The following GOLGA4 variants were observed in gnomAD, a reference collection of about 807,000 sequenced individuals.
GOLGA4 encodes golgin A4, also known as golgin subfamily A member 4.
GOLGA4 carries 169 observed loss-of-function variants against 265.9 expected under a neutral mutation model. The ratio of observed to expected loss-of-function variants is 0.64; its 90% CI spans 0.56 to 0.72. The LOEUF is 0.72. GOLGA4 is among the 30% of genes least tolerant of loss of function. The pLI, the probability that GOLGA4 is intolerant of heterozygous loss-of-function variation, is 0.00. For synonymous variants in GOLGA4, 923 were observed against 855.8 expected (o/e 1.08, Z -1.37); for missense variants, 2,482 against 2,483.4 (o/e 1.00, Z 0.01).
chr3:37,311,664 T>G (rs1463609548), intron 10 of GOLGA4, among the ~76,000 whole-genome samples: 1 of 152,210 alleles, frequency 6.6e-6, no homozygotes, highest in East Asian at 1.9e-4. Flanking sequence ...TGAAATTATT[T>G]GGTTCCCTGA....
At chr3:37,281,552 C>T (rs2096834626) in intron 2 of GOLGA4, among the ~76,000 whole-genome samples, 1 of 152,230 alleles carries the variant, frequency 6.6e-6, no homozygotes, top group African/African-American at 2.4e-5. Context: ...ACATTTTAGA[C>T]ACTGGGTATG....
intron 22 of GOLGA4, among the ~76,000 whole-genome samples, chr3:37,357,110 A>G (rs2097092874): frequency 6.6e-6 from 1 of 152,164 alleles, no homozygotes. Flanking sequence ...AAAAAAAAAG[A>G]GTCTTTGAAA....
At chr3:37,328,914 A>T in intron 15 of GOLGA4, 49 bp from the exon 16 acceptor site, 1 of 1,427,854 alleles carries the variant, frequency 7.0e-7, no homozygotes. Context: ...TACAAATATT[A>T]ACTCTTGACT....
intron 5 of GOLGA4, among the ~76,000 whole-genome samples, chr3:37,294,095 G>A (rs1463665232): frequency 3.9e-5 from 6 of 152,126 alleles, no homozygotes; most frequent in Admixed American, 2.6e-4. Flanking sequence ...TAAAATGAAC[G>A]GGTAATTACT....
Position 37,315,405 on chromosome 3 carries a change from T to C in GOLGA4, c.1235-15T>C, listed in dbSNP as rs776693906. The stretch of plus-strand genomic sequence containing the variant: ...TATTTCTTGAGATACTTGTTTTCTG[T>C]TGTTTTCATTATAGCTTTTGAGGAA... On this transcript the variant is annotated splice_polypyrimidine_tract_variant and intron_variant, in intron 10 of 23. Coordinates refer to ENST00000361924, the MANE Select transcript of GOLGA4 (RefSeq NM_002078.5). 6.9e-6 allele frequency: 11 copies of C among 1,599,072 alleles called. No individual in the cohort carries two copies. The highest frequency in any genetic ancestry group is 9.4e-6 in the Non-Finnish European group (11 of 1,173,434).
chr3:37,266,332 TG>T (rs2096783628), intron 2 of GOLGA4, among the ~76,000 whole-genome samples: 1 of 152,116 alleles, frequency 6.6e-6, no homozygotes, highest in Non-Finnish European at 1.5e-5. Context: ...CCTGAGTGGC[TG>T]GGACTACAGG....
intron 3 of GOLGA4, among the ~76,000 whole-genome samples, chr3:37,284,739 C>T (rs961664803): frequency 6.6e-6 from 1 of 151,416 alleles, no homozygotes; most frequent in Non-Finnish European, 1.5e-5. Context: ...TCACGGCTCA[C>T]CTTGTAGCCT....
In GOLGA4 at chr3:37,325,621, C is replaced by T. The variant is rs535188241; in HGVS notation, c.3735C>T (p.Ala1245=). The part of the protein sequence containing the change: ...LINISSSKTN[A]ILSRISHCQH... Reference sequence around the variant, plus strand: ...ACATTAGTAGTAGTAAAACTAATGCCATTCTTTCTAGGATTTCTCATTGTC... The same window carrying T: ...ACATTAGTAGTAGTAAAACTAATGCTATTCTTTCTAGGATTTCTCATTGTC... The change falls in exon 14 of 24, where the codon GCC becomes GCT. Residue 1245 remains alanine (A), a synonymous_variant. Coordinates refer to ENST00000361924, the MANE Select transcript of GOLGA4 (RefSeq NM_002078.5). The T allele has an allele frequency of 5.6e-6, 9 of 1,613,096 alleles. No homozygotes were observed. The East Asian group carries it at 6.7e-5, about 12-fold the overall frequency.
chr3:37,335,047 C>G lies in GOLGA4; in HGVS notation c.6193-6C>G. ...TCCTTTTTTTCTTTTTTTTTAAATC[C>G]TAAAGGCTCGTGAAGAAGAAATGAC... On this transcript the variant is annotated splice_region_variant and splice_polypyrimidine_tract_variant and intron_variant, in intron 16 of 23. Transcript: ENST00000361924. 6.6e-7 allele frequency: 1 copy of G among 1,515,120 alleles called. No individual in the cohort carries two copies. Among genetic ancestry groups the G allele is most frequent in the Non-Finnish European group, 9.0e-7 (1 of 1,109,740 alleles). 93.9% of individuals were successfully genotyped at this position (1,515,120 alleles called of 1,614,324 possible). A position where few individuals can be genotyped will look rare whatever the true frequency, so the allele number is the denominator to read the frequency against.
intron 2 of GOLGA4, among the ~76,000 whole-genome samples, chr3:37,259,025 A>G (rs1011177212): frequency 9.2e-5 from 14 of 151,900 alleles, no homozygotes; most frequent in African/African-American, 3.4e-4. Flanking sequence ...CCTCTCTTGT[A>G]TTTTTTCAAG....
intron 2 of GOLGA4, among the ~76,000 whole-genome samples, chr3:37,268,868 C>G (rs1252924776): frequency 6.6e-6 from 1 of 152,224 alleles, no homozygotes; most frequent in Non-Finnish European, 1.5e-5. Flanking sequence ...CTACGCCCAG[C>G]CTAGTCAGAA....
chr3:37,351,899 G>A (rs905897547), intron 21 of GOLGA4, among the ~76,000 whole-genome samples: 4 of 152,022 alleles, frequency 2.6e-5, no homozygotes, highest in African/African-American at 9.7e-5. Flanking sequence ...AATGAGCATT[G>A]CCTTCAACTG....
chr3:37,296,325 C>T (rs552719216), intron 7 of GOLGA4, 106 bp downstream of exon 7: 105 of 1,097,690 alleles, frequency 9.6e-5, no homozygotes, highest in Middle Eastern at 6.4e-4. Flanking sequence ...GTGGGAGGAT[C>T]GCTTGAGTTC....
At chr3:37,297,649 G>A (rs1473909219) in intron 7 of GOLGA4, among the ~76,000 whole-genome samples, 1 of 152,184 alleles carries the variant, frequency 6.6e-6, no homozygotes, top group Non-Finnish European at 1.5e-5. Flanking sequence ...CTAATACTAA[G>A]TAGAGGTTTG....
In GOLGA4 at chr3:37,280,179, A is replaced by G. The variant is rs145032136; in HGVS notation, c.163-1779A>G. Among the ~76,000 whole-genome samples, 314 of 152,294 alleles carry G rather than the reference A, an allele frequency of 2.1e-3. 2 individuals are homozygous for G. Among genetic ancestry groups the G allele is most frequent in the African/African-American group, 7.4e-3 (308 of 41,554 alleles). ...CCCTGAACACATTTTGTTTTACTGT[A>G]TTAATGGTATGTCATATATATATAT... On this transcript the variant is annotated intron_variant, in intron 2 of 23. Transcript: ENST00000361924.
At position 37,325,085 on chromosome 3, in the gene GOLGA4, C is replaced by G. The variant is rs1478127648; in HGVS notation, c.3199C>G (p.Gln1067Glu). ...TCAGGAAATACATGAAATCCAATTA[C>G]AGGAAAAAGAACAAGAGGTAGCAGA... ...ELQEIHEIQL[Q>E]EKEQEVAELK... is the part of the protein sequence containing the mutation. Residue 1067 changes from glutamine (Q) to glutamate (E), a missense_variant, in exon 14 of 24, where the codon CAG (glutamine) becomes GAG (glutamate). By Grantham distance (29) the Gln-to-Glu change is conservative. Transcript: ENST00000361924. The G allele has an allele frequency of 1.2e-6, 2 of 1,612,230 alleles. No individual in the cohort carries two copies. The highest frequency in any genetic ancestry group is 1.7e-6 in the Non-Finnish European group (2 of 1,179,144).
intron 14 of GOLGA4, among the ~76,000 whole-genome samples, 157 bp downstream of exon 14, chr3:37,327,982 A>C (rs1273527299): frequency 6.6e-6 from 1 of 152,152 alleles, no homozygotes; most frequent in East Asian, 1.9e-4. Context: ...AGGAGAAATA[A>C]AAACAATTTA....
intron 22 of GOLGA4, among the ~76,000 whole-genome samples, chr3:37,359,694 C>T (rs1000520876): frequency 2.0e-5 from 3 of 152,088 alleles, no homozygotes; most frequent in Non-Finnish European, 4.4e-5. Context: ...GTTCTCTTAA[C>T]GTCTCATTTT....
chr3:37,258,311 G>C (rs553934394), intron 2 of GOLGA4, among the ~76,000 whole-genome samples: 7 of 150,228 alleles, frequency 4.7e-5, no homozygotes, highest in South Asian at 2.1e-4. Flanking sequence ...TATATATAGA[G>C]AGCATATATA....
Sources: gnomAD v4.1 joint callset for allele counts (sites outside exome capture counted in the v4.1 genomes callset) on GRCh38, gnomAD v4.1.1 for gene constraint, MANE v1.5 for transcripts, NCBI Gene and HGNC (gene_info 2026-07-23, HGNC 2026-07-21) for gene names.